The following ELOVL7 variants were observed in gnomAD, a reference collection of about 807,000 sequenced individuals.
ELOVL7 encodes very long chain fatty acid elongase 7.
Under a neutral mutation model 35.7 loss-of-function variants are expected in ELOVL7, and 27 were observed. That is an observed-to-expected ratio of 0.76 (90% CI 0.56 to 1.04). ELOVL7 has a LOEUF of 1.04. Among genes scored for constraint, ELOVL7 ranks in the 50% least tolerant of loss-of-function variants. The pLI is 0.00. For synonymous variants in ELOVL7, 113 were observed against 114.6 expected (o/e 0.99, Z 0.09); for missense variants, 327 against 340.8 (o/e 0.96, Z 0.32).
In ELOVL7 at chr5:60,754,799, T is replaced by G. The variant is rs748545912; in HGVS notation, c.671A>C (p.Gln224Pro). The change falls in exon 9 of 9, where the codon CAG becomes CCG. Residue 224 changes from glutamine to proline, a missense_variant. Physicochemically the swap from Gln to Pro is moderately conservative, Grantham distance 76. Coordinates refer to ENST00000508821, the MANE Select transcript of ELOVL7 (RefSeq NM_024930.3). ...CTTGCAATCCTCCATGAAAAAGAAC[T>G]GGCTTATGTGGATGGCGACAATAAC... is the stretch of plus-strand genomic sequence containing the variant. ...QFVIVAIHIS[Q>P]FFFMEDCKYQ... is the part of the protein sequence containing the mutation. The G allele has an allele frequency of 3.1e-6, 5 of 1,613,946 alleles. No individual in the cohort carries two copies. Among genetic ancestry groups the G allele is most frequent in the Non-Finnish European group, 3.4e-6 (4 of 1,180,004 alleles).
chr5:60,754,946 A>G (rs1478509618), intron 8 of ELOVL7, 113 bp from the exon 9 acceptor site: 2 of 825,466 alleles, frequency 2.4e-6, no homozygotes, highest in South Asian at 1.8e-5. Flanking sequence ...TGGGCAAAGA[A>G]GTCCATCTTT....
intron 1 of ELOVL7, among the ~76,000 whole-genome samples, chr5:60,801,571 C>T (rs1744616027): frequency 6.6e-6 from 1 of 151,918 alleles, no homozygotes; most frequent in Non-Finnish European, 1.5e-5. Context: ...GGCATGGTGG[C>T]GCACACCTGT....
At chr5:60,765,455 G>C (rs1742176945) in intron 6 of ELOVL7, among the ~76,000 whole-genome samples, 1 of 152,158 alleles carries the variant, frequency 6.6e-6, no homozygotes. Flanking sequence ...CAAATCTCTG[G>C]AGGTAGGGCT....
At chr5:60,759,243 A>C (rs1413160012) in intron 7 of ELOVL7, among the ~76,000 whole-genome samples, 1 of 152,216 alleles carries the variant, frequency 6.6e-6, no homozygotes, top group Non-Finnish European at 1.5e-5. Context: ...ATTTTAGCTA[A>C]TCCCTCAATT....
chr5:60,823,271 G>A (rs114074275), intron 1 of ELOVL7, among the ~76,000 whole-genome samples: 1,835 of 152,082 alleles, frequency 0.012, 21 homozygotes, highest in South Asian at 0.042. Context: ...GAAGGAAAAC[G>A]GGAAAGAAGG....
At chr5:60,815,039 T>G (rs1745443395) in intron 1 of ELOVL7, among the ~76,000 whole-genome samples, 2 of 152,194 alleles carry the variant, frequency 1.3e-5, no homozygotes, top group Admixed American at 1.3e-4. Context: ...TAGTCTTAAA[T>G]TCAAAGCATA....
intron 1 of ELOVL7, among the ~76,000 whole-genome samples, chr5:60,806,801 G>A (rs537868934): frequency 6.6e-6 from 1 of 152,240 alleles, no homozygotes; most frequent in African/African-American, 2.4e-5. Context: ...TGGGGAAATA[G>A]AAAGAGAATC....
chr5:60,798,242 T>C (rs575660745), intron 2 of ELOVL7, among the ~76,000 whole-genome samples: 4 of 152,334 alleles, frequency 2.6e-5, no homozygotes, highest in Non-Finnish European at 2.9e-5. Context: ...TCAGATTTTC[T>C]GGGTTTACGG....
intron 2 of ELOVL7, among the ~76,000 whole-genome samples, chr5:60,796,204 A>C (rs770803929): frequency 2.0e-5 from 3 of 152,326 alleles, no homozygotes; most frequent in Middle Eastern, 3.4e-3. Flanking sequence ...CTGTTTTCTC[A>C]CTGGAACTGG....
intron 2 of ELOVL7, among the ~76,000 whole-genome samples, chr5:60,795,362 A>G (rs908972488): frequency 1.3e-5 from 2 of 152,202 alleles, no homozygotes; most frequent in Non-Finnish European, 2.9e-5. Context: ...ATCAGGTAGT[A>G]AACAGGGCTC....
rs762667011 is a variant in ELOVL7, at chr5:60,753,858, A to T, written c.*766T>A. ...TCCAGAGATATACAAAGTTAATTGT[A>T]AAACAGTAATAGCAAAGTATTCATT... On this transcript the variant is annotated 3_prime_UTR_variant, in exon 9 of 9. Transcript: ENST00000508821. The T allele has an allele frequency of 6.6e-6, 1 of 152,244 alleles. No homozygotes were observed. The highest frequency in any genetic ancestry group is 1.5e-5 in the Non-Finnish European group (1 of 68,042). 9.4% of individuals were successfully genotyped at this position (152,244 alleles called of 1,614,324 possible).
At chr5:60,814,054 G>T (rs1000956474) in intron 1 of ELOVL7, among the ~76,000 whole-genome samples, 1 of 152,136 alleles carries the variant, frequency 6.6e-6, no homozygotes, top group Non-Finnish European at 1.5e-5. Flanking sequence ...GTGGCAACAA[G>T]AACGAACTCA....
chr5:60,809,951 T>C (rs1388099154), intron 1 of ELOVL7, among the ~76,000 whole-genome samples: 1 of 152,226 alleles, frequency 6.6e-6, no homozygotes, highest in Non-Finnish European at 1.5e-5. Context: ...GGTATGAATA[T>C]TGAACTCTAC....
chr5:60,798,075 A>G (rs1579863727), intron 2 of ELOVL7, among the ~76,000 whole-genome samples: 1 of 152,174 alleles, frequency 6.6e-6, no homozygotes. Context: ...TACTTCTTAC[A>G]TACATTGATT....
intron 3 of ELOVL7, among the ~76,000 whole-genome samples, chr5:60,786,917 C>G (rs574379601): frequency 1.6e-4 from 24 of 151,518 alleles, no homozygotes; most frequent in African/African-American, 5.8e-4. Context: ...CGAGATTGCA[C>G]CACTGCACTC....
intron 1 of ELOVL7, among the ~76,000 whole-genome samples, chr5:60,833,501 G>A (rs76135939): frequency 0.013 from 1,998 of 151,884 alleles, 21 homozygotes; most frequent in Non-Finnish European, 0.022. Flanking sequence ...TCCTTTTCTT[G>A]TCTCACTTCC....
intron 7 of ELOVL7, among the ~76,000 whole-genome samples, chr5:60,758,089 C>T (rs1240009795): frequency 6.6e-6 from 1 of 152,130 alleles, no homozygotes; most frequent in Non-Finnish European, 1.5e-5. Flanking sequence ...ACATTTCCAA[C>T]ACCACATAAG....
chr5:60,776,922 G>C (rs561746233), intron 3 of ELOVL7, among the ~76,000 whole-genome samples: 1 of 152,108 alleles, frequency 6.6e-6, no homozygotes, highest in East Asian at 1.9e-4. Context: ...AGATTATTTT[G>C]AAATACAGTA....
intron 5 of ELOVL7, 93 bp downstream of exon 5, chr5:60,767,730 C>T: frequency 2.4e-6 from 2 of 837,064 alleles, no homozygotes; most frequent in Non-Finnish European, 4.0e-6. Context: ...ACTGAGTCAT[C>T]TGCTTATTCT....
Sources: gnomAD v4.1 joint callset for allele counts (sites outside exome capture counted in the v4.1 genomes callset) on GRCh38, gnomAD v4.1.1 for gene constraint, MANE v1.5 for transcripts, NCBI Gene and HGNC (gene_info 2026-07-23, HGNC 2026-07-21) for gene names.